The following CSMD1 variants were observed in gnomAD, a reference collection of about 807,000 sequenced individuals.
CSMD1 encodes the protein CUB and Sushi multiple domains 1.
Under a neutral mutation model 417.5 loss-of-function variants are expected in CSMD1, and 213 were observed. The ratio of observed to expected loss-of-function variants is 0.51; its 90% CI spans 0.46 to 0.57. The LOEUF (loss-of-function observed/expected upper bound fraction) is 0.57. CSMD1 is among the 20% of genes least tolerant of loss of function. CSMD1 has a pLI of 0.00. For missense variants in CSMD1, 6,923 were observed against 4,529.7 expected, an observed-to-expected ratio of 1.53 and a Z score of -15.17; for synonymous variants, 2,862 against 1,736.8, an observed-to-expected ratio of 1.65 and a Z score of -16.11.
At chr8:3,967,407 C>A (rs971383697) in intron 5 of CSMD1, among the ~76,000 whole-genome samples, 1 of 151,812 alleles carries the variant, frequency 6.6e-6, no homozygotes, top group Non-Finnish European at 1.5e-5. Flanking sequence ...GTCATTCAAC[C>A]TGTATCACCT....
chr8:4,973,073 T>C (rs1810337094), intron 1 of CSMD1, among the ~76,000 whole-genome samples: 2 of 152,208 alleles, frequency 1.3e-5, no homozygotes, highest in South Asian at 4.1e-4. Context: ...ACCTCAATTA[T>C]AAGAGTGCTT....
At chr8:3,009,176 C>A (rs575169326) in intron 52 of CSMD1, among the ~76,000 whole-genome samples, 2 of 152,232 alleles carry the variant, frequency 1.3e-5, no homozygotes, top group Non-Finnish European at 2.9e-5. Flanking sequence ...CTCCCACACA[C>A]GCACTTTTGC....
chr8:4,011,612 T>C (rs17068540), intron 4 of CSMD1, among the ~76,000 whole-genome samples: 13,680 of 152,198 alleles, frequency 0.09, 676 homozygotes, highest in East Asian at 0.14. Context: ...TCAGTGACAT[T>C]TAACATTCAT....
intron 1 of CSMD1, among the ~76,000 whole-genome samples, chr8:4,830,096 G>C (rs1800064626): frequency 6.6e-6 from 1 of 152,150 alleles, no homozygotes; most frequent in Admixed American, 6.6e-5. Flanking sequence ...AGGTACTGAA[G>C]AGCTACATTC....
chr8:4,867,410 A>T (rs1412068799), intron 1 of CSMD1, among the ~76,000 whole-genome samples: 1 of 152,086 alleles, frequency 6.6e-6, no homozygotes, highest in Non-Finnish European at 1.5e-5. Context: ...AAGATGCAGA[A>T]CTTAAATACA....
At chr8:4,274,840 A>G (rs1005891156) in intron 3 of CSMD1, among the ~76,000 whole-genome samples, 2 of 152,068 alleles carry the variant, frequency 1.3e-5, no homozygotes, top group African/African-American at 4.8e-5. Context: ...TTTGAAAACT[A>G]TTGTACTGCT....
At chr8:3,971,061 C>G (rs1000586439) in intron 5 of CSMD1, among the ~76,000 whole-genome samples, 7 of 152,124 alleles carry the variant, frequency 4.6e-5, no homozygotes, top group African/African-American at 1.4e-4. Context: ...TACATGGAAT[C>G]TTAATACAAA....
chr8:4,658,864 G>A (rs937129685), intron 1 of CSMD1, among the ~76,000 whole-genome samples: 1 of 152,052 alleles, frequency 6.6e-6, no homozygotes, highest in Non-Finnish European at 1.5e-5. Context: ...TCTGGGGTTG[G>A]GAGTCTAGAG....
chr8:4,330,898 T>C (rs1049251492), intron 3 of CSMD1, among the ~76,000 whole-genome samples: 1 of 152,122 alleles, frequency 6.6e-6, no homozygotes, highest in Admixed American at 6.6e-5. Context: ...AAAGCTTCAT[T>C]ATGTATGCCC....
At chr8:3,642,512 C>T (rs1208689559) in intron 7 of CSMD1, among the ~76,000 whole-genome samples, 1 of 152,130 alleles carries the variant, frequency 6.6e-6, no homozygotes, top group African/African-American at 2.4e-5. Context: ...AGAAAAACTG[C>T]CTTTATCCAG....
chr8:3,789,726 ATTTTTT>A (rs55917452), intron 5 of CSMD1, among the ~76,000 whole-genome samples: 33 of 101,120 alleles, frequency 3.3e-4, no homozygotes, highest in African/African-American at 1.2e-3. Flanking sequence ...ATCATGGTTA[ATTTTTT>A]TTTTTTTTTT....
intron 3 of CSMD1, among the ~76,000 whole-genome samples, chr8:4,220,748 G>T (rs367703271): frequency 6.6e-6 from 1 of 152,198 alleles, no homozygotes; most frequent in Non-Finnish European, 1.5e-5. Context: ...GAAAGACAGA[G>T]AAACAGGGTG....
intron 3 of CSMD1, among the ~76,000 whole-genome samples, chr8:4,219,764 A>G (rs920280029): frequency 1.3e-5 from 2 of 152,194 alleles, no homozygotes; most frequent in African/African-American, 2.4e-5. Context: ...CCTGAAAATA[A>G]TATTTTTAAT....
intron 5 of CSMD1, among the ~76,000 whole-genome samples, chr8:3,778,794 C>A (rs1006943056): frequency 1.3e-5 from 2 of 152,196 alleles, no homozygotes; most frequent in African/African-American, 4.8e-5. Context: ...TTGTTTCATG[C>A]TCCGAACACT....
At chr8:3,647,471 C>A (rs144705224) in intron 7 of CSMD1, among the ~76,000 whole-genome samples, 2 of 151,926 alleles carry the variant, frequency 1.3e-5, no homozygotes, top group African/African-American at 4.8e-5. Context: ...GAGAAAAATA[C>A]AGCATAAAAA....
Position 3,040,630 on chromosome 8 carries a change from C to G in CSMD1, c.7661-11117G>C, listed in dbSNP as rs188497684. Among the ~76,000 whole-genome samples, 475 of 151,826 alleles carry G rather than the reference C, an allele frequency of 3.1e-3. 9 individuals carry two copies. Among genetic ancestry groups the G allele is most frequent in the Admixed American group, 0.027 (415 of 15,206 alleles). On this transcript the variant is annotated intron_variant, in intron 50 of 69. Coordinates refer to ENST00000635120, the MANE Select transcript of CSMD1 (RefSeq NM_033225.6). ...CCAGCCTGGCCAACATGATGAAACC[C>G]CGTCTCTACTAAAAATACAAAAATT...
intron 1 of CSMD1, among the ~76,000 whole-genome samples, chr8:4,737,911 T>C (rs189915031): frequency 6.6e-6 from 1 of 152,124 alleles, no homozygotes; most frequent in Non-Finnish European, 1.5e-5. Flanking sequence ...ATAGCAAAAT[T>C]TGTTTGAAGG....
chr8:4,270,573 T>C (rs1409212425), intron 3 of CSMD1, among the ~76,000 whole-genome samples: 1 of 152,186 alleles, frequency 6.6e-6, no homozygotes, highest in African/African-American at 2.4e-5. Flanking sequence ...GTTTGATGAC[T>C]ACACATTTTA....
At chr8:3,860,585 A>G (rs914570693) in intron 5 of CSMD1, among the ~76,000 whole-genome samples, 2 of 152,186 alleles carry the variant, frequency 1.3e-5, no homozygotes, top group Admixed American at 1.3e-4. Context: ...ATTGCTAACC[A>G]TATTACACAT....
Sources: allele counts gnomAD v4.1 joint callset (sites outside exome capture counted in the v4.1 genomes callset), GRCh38; gene constraint gnomAD v4.1.1; transcripts MANE v1.5; gene names NCBI Gene and HGNC (gene_info 2026-07-23, HGNC 2026-07-21).